NELL1: variants seen among roughly 807,000 people sequenced by gnomAD.
NELL1 encodes neural EGFL like 1.
Under a neutral mutation model 107.4 loss-of-function variants are expected in NELL1, and 76 were observed. The ratio of observed to expected loss-of-function variants is 0.71; its 90% confidence interval spans 0.59 to 0.86. The LOEUF (loss-of-function observed/expected upper bound fraction) is 0.86. Ranked by LOEUF, NELL1 falls within the 40% of genes least tolerant of loss-of-function variation. The probability of loss-of-function intolerance (pLI) is 0.00; values close to 1 mark genes in which losing one functional copy is unlikely to be tolerated. For missense variants in NELL1, 1,024 were observed against 1,005.5 expected, an observed-to-expected ratio of 1.02 and a Z score of -0.25; for synonymous variants, 353 against 341.2, an observed-to-expected ratio of 1.03 and a Z score of -0.38.
intron 2 of NELL1, among the ~76,000 whole-genome samples, chr11:20,718,505 T>G (rs1470190535): frequency 6.6e-6 from 1 of 152,022 alleles, no homozygotes; most frequent in Non-Finnish European, 1.5e-5. Context: ...ATTTTTTCTT[T>G]CACTGAGCAT....
intron 4 of NELL1, among the ~76,000 whole-genome samples, chr11:20,873,106 C>T (rs1446692722): frequency 6.6e-6 from 1 of 152,072 alleles, no homozygotes; most frequent in African/African-American, 2.4e-5. Context: ...TATGGGTTTG[C>T]ACTAAATTAT....
chr11:20,740,920 C>G (rs1410476253), intron 2 of NELL1, among the ~76,000 whole-genome samples: 2 of 152,054 alleles, frequency 1.3e-5, no homozygotes, highest in Non-Finnish European at 2.9e-5. Context: ...ACCACCATGC[C>G]CAGCTCTAAT....
chr11:21,011,394 T>G lies in NELL1; in HGVS notation c.1300+50834T>G, dbSNP rs115188073. 2.0e-3 allele frequency among the ~76,000 whole-genome samples: 307 copies of G among 152,268 alleles called. 6 individuals carry two copies. Among genetic ancestry groups the G allele is most frequent in the African/African-American group, 6.9e-3 (288 of 41,558 alleles). ...TGAAAGGAAAGGGGAGGAAGCAGGATTAAGCAGAGAGAGAAGAGGAAGAAA... is the reference window on the plus strand; with the variant it reads ...TGAAAGGAAAGGGGAGGAAGCAGGAGTAAGCAGAGAGAGAAGAGGAAGAAA... On this transcript the variant is annotated intron_variant, in intron 12 of 19. Transcript: ENST00000357134.
chr11:20,820,712 C>T (rs183734831), intron 3 of NELL1, among the ~76,000 whole-genome samples: 1 of 152,234 alleles, frequency 6.6e-6, no homozygotes, highest in Non-Finnish European at 1.5e-5. Flanking sequence ...ACCTATTTCT[C>T]TTGTCAAAGA....
intron 12 of NELL1, among the ~76,000 whole-genome samples, chr11:21,090,655 C>T (rs1007621023): frequency 3.3e-5 from 5 of 152,100 alleles, no homozygotes; most frequent in East Asian, 1.9e-4. Context: ...TTGGCTACCT[C>T]GACCTGCTTA....
intron 12 of NELL1, among the ~76,000 whole-genome samples, chr11:20,967,889 A>G (rs1241743134): frequency 1.3e-5 from 2 of 152,128 alleles, no homozygotes; most frequent in African/African-American, 2.4e-5. Flanking sequence ...GAACCTGCCT[A>G]CTTCTCCAAA....
At chr11:21,457,303 A>G (rs140345668) in intron 15 of NELL1, among the ~76,000 whole-genome samples, 5 of 152,340 alleles carry the variant, frequency 3.3e-5, no homozygotes, top group African/African-American at 1.2e-4. Context: ...GACATGAGTC[A>G]GGTTTCTGTG....
At chr11:21,559,240 T>G (rs1252425505) in intron 16 of NELL1, among the ~76,000 whole-genome samples, 1 of 152,122 alleles carries the variant, frequency 6.6e-6, no homozygotes, top group African/African-American at 2.4e-5. Flanking sequence ...TTCAATGGCC[T>G]CAGACACTAA....
At chr11:21,351,040 A>G (rs1850800445) in intron 14 of NELL1, among the ~76,000 whole-genome samples, 1 of 152,078 alleles carries the variant, frequency 6.6e-6, no homozygotes, top group South Asian at 2.1e-4. Flanking sequence ...ATTGGTATAA[A>G]TGATATCAGT....
chr11:20,864,202 G>A (rs1039285376), intron 4 of NELL1, among the ~76,000 whole-genome samples: 3 of 152,146 alleles, frequency 2.0e-5, no homozygotes, highest in African/African-American at 7.2e-5. Flanking sequence ...ATAGAAAATT[G>A]TATGTATTTA....
At chr11:20,745,069 A>G (rs1043831864) in intron 2 of NELL1, among the ~76,000 whole-genome samples, 2 of 152,074 alleles carry the variant, frequency 1.3e-5, no homozygotes, top group Admixed American at 6.5e-5. Context: ...TTTTGAAACC[A>G]GGTATCACTT....
Position 21,076,042 on chromosome 11 carries a change from A to G in NELL1, c.1301-37547A>G, listed in dbSNP as rs1854127541. Among the ~76,000 whole-genome samples the G allele has an allele frequency of 4.6e-5, 7 of 152,240 alleles. No individual in the cohort carries two copies. The South Asian group carries it at 1.5e-3, about 32-fold the overall frequency. On this transcript the variant is annotated intron_variant, in intron 12 of 19. Coordinates refer to ENST00000357134, the MANE Select transcript of NELL1 (RefSeq NM_006157.5). ...ACATAACTGGACATTTTAACTGTTA[A>G]CTAAGGATGACTAAAACAGTTTTCC...
Position 21,203,228 on chromosome 11 carries a change from G to A in NELL1, c.1427-26104G>A, listed in dbSNP as rs1857310560. ...CTAATATGGACAGTGAGGTGTTAAA[G>A]TCTCCCACTATTATTGGGTGGGAGT... is the stretch of plus-strand genomic sequence containing the variant. On this transcript the variant is annotated intron_variant, in intron 13 of 19. Coordinates refer to ENST00000357134, the MANE Select transcript of NELL1 (RefSeq NM_006157.5). 3.9e-5 allele frequency among the ~76,000 whole-genome samples: 6 copies of A among 152,094 alleles called. No homozygotes were observed. In the South Asian group the frequency reaches 1.0e-3, roughly 26 times the overall value.
At chr11:21,488,916 A>G (rs537595914) in intron 15 of NELL1, among the ~76,000 whole-genome samples, 6 of 152,234 alleles carry the variant, frequency 3.9e-5, no homozygotes, top group Admixed American at 1.3e-4. Context: ...AATTAGCAGA[A>G]GGAAATTAGA....
chr11:20,838,940 A>T (rs934625695), intron 3 of NELL1, among the ~76,000 whole-genome samples: 1 of 152,190 alleles, frequency 6.6e-6, no homozygotes, highest in African/African-American at 2.4e-5. Flanking sequence ...CAGTTGTGCA[A>T]TTCCAAGCTT....
intron 15 of NELL1, among the ~76,000 whole-genome samples, chr11:21,454,578 A>G (rs1853673615): frequency 6.6e-6 from 1 of 152,246 alleles, no homozygotes; most frequent in Admixed American, 6.5e-5. Flanking sequence ...TAAAAATGAA[A>G]AAGAATACAT....
At chr11:21,476,453 C>T (rs910219725) in intron 15 of NELL1, among the ~76,000 whole-genome samples, 1 of 152,126 alleles carries the variant, frequency 6.6e-6, no homozygotes, top group East Asian at 1.9e-4. Context: ...AGGAATGTCA[C>T]TTCTCTAAAA....
chr11:20,953,017 A>G (rs1243551212), intron 11 of NELL1, among the ~76,000 whole-genome samples: 1 of 152,152 alleles, frequency 6.6e-6, no homozygotes, highest in Non-Finnish European at 1.5e-5. Context: ...TGTTATGTGT[A>G]TTGATTGTGG....
At chr11:21,070,475 G>A (rs1853984566) in intron 12 of NELL1, among the ~76,000 whole-genome samples, 1 of 152,046 alleles carries the variant, frequency 6.6e-6, no homozygotes, top group Non-Finnish European at 1.5e-5. Context: ...CAGATGTTGG[G>A]GCTGATTCAA....
Sources: gnomAD v4.1 joint callset for allele counts (sites outside exome capture counted in the v4.1 genomes callset) on GRCh38, gnomAD v4.1.1 for gene constraint, MANE v1.5 for transcripts, NCBI Gene and HGNC (gene_info 2026-07-23, HGNC 2026-07-21) for gene names.